Variants in NOS1AP observed in about 807,000 individuals in gnomAD.
NOS1AP encodes carboxyl-terminal PDZ ligand of neuronal nitric oxide synthase protein.
NOS1AP carries 21 observed loss-of-function variants against 56.2 expected under a neutral mutation model. The ratio of observed to expected loss-of-function variants is 0.37; its 90% CI spans 0.26 to 0.54. The LOEUF (loss-of-function observed/expected upper bound fraction) is 0.54, where lower values mean the gene tolerates loss of function less well. Ranked by LOEUF, NOS1AP falls within the 20% of genes least tolerant of loss-of-function variation. NOS1AP has a pLI of 0.84. For missense variants in NOS1AP, 522 were observed against 657.8 expected (o/e 0.79, Z 2.26); for synonymous variants, 270 against 274.6 (o/e 0.98, Z 0.17).
In NOS1AP at chr1:162,081,753, T is replaced by TAG. The variant is rs1404311029; in HGVS notation, c.105+11473_105+11474dup. 2.7e-4 allele frequency among the ~76,000 whole-genome samples: 15 copies of TAG among 55,166 alleles called. No individual in the cohort carries two copies. The South Asian group carries it at 3.3e-3, about 12-fold the overall frequency. 36.2% of individuals were successfully genotyped at this position (55,166 alleles called of 152,430 possible). A position where few individuals can be genotyped will look rare whatever the true frequency, so the allele number is the denominator to read the frequency against. ...ATCTATATATCTATATCTATATCTA[T>TAG]AGATATATATATATATATATATTTT... is the stretch of plus-strand genomic sequence containing the variant. On this transcript the variant is annotated intron_variant, in intron 1 of 9. Coordinates refer to ENST00000361897, the MANE Select transcript of NOS1AP (RefSeq NM_014697.3).
intron 1 of NOS1AP, among the ~76,000 whole-genome samples, chr1:162,136,193 G>T (rs1236264594): frequency 6.6e-6 from 1 of 152,196 alleles, no homozygotes; most frequent in Non-Finnish European, 1.5e-5. Flanking sequence ...GCTGTGTCTT[G>T]AAGTGGGGTA....
chr1:162,366,114 G>C (rs1658077031), intron 9 of NOS1AP, among the ~76,000 whole-genome samples: 1 of 152,140 alleles, frequency 6.6e-6, no homozygotes, highest in Non-Finnish European at 1.5e-5. Context: ...AGGTTGCCTG[G>C]CCCCTGCTTG....
chr1:162,159,159 A>G (rs1416821614), intron 2 of NOS1AP, among the ~76,000 whole-genome samples: 1 of 152,160 alleles, frequency 6.6e-6, no homozygotes, highest in African/African-American at 2.4e-5. Context: ...TTGCATTAGT[A>G]AATATGAACA....
At chr1:162,203,264 C>A (rs1652053252) in intron 2 of NOS1AP, among the ~76,000 whole-genome samples, 1 of 152,196 alleles carries the variant, frequency 6.6e-6, no homozygotes, top group Non-Finnish European at 1.5e-5. Context: ...CTATGCTTGT[C>A]CGTCTGTCTG....
At chr1:162,258,186 C>T (rs1487083487) in intron 2 of NOS1AP, among the ~76,000 whole-genome samples, 1 of 152,116 alleles carries the variant, frequency 6.6e-6, no homozygotes, top group Non-Finnish European at 1.5e-5. Flanking sequence ...CTGGCAAACC[C>T]TAGTCACCCT....
At chr1:162,070,747 A>AT (rs1203433656) in intron 1 of NOS1AP, among the ~76,000 whole-genome samples, 2,386 of 147,480 alleles carry the variant, frequency 0.016, 56 homozygotes, top group African/African-American at 0.053. Context: ...AAGAATCCAG[A>AT]TTTTTTTTTT....
intron 2 of NOS1AP, among the ~76,000 whole-genome samples, chr1:162,216,720 A>G (rs942197384): frequency 6.6e-6 from 1 of 152,218 alleles, no homozygotes. Context: ...AGAAGTATAA[A>G]CATTGTGATA....
At chr1:162,180,994 G>T (rs1345470470) in intron 2 of NOS1AP, among the ~76,000 whole-genome samples, 1 of 152,188 alleles carries the variant, frequency 6.6e-6, no homozygotes, top group Non-Finnish European at 1.5e-5. Flanking sequence ...TATCCTCAAG[G>T]TCTATCAGCC....
intron 1 of NOS1AP, among the ~76,000 whole-genome samples, chr1:162,150,593 G>T (rs1649665843): frequency 6.6e-6 from 1 of 152,110 alleles, no homozygotes; most frequent in African/African-American, 2.4e-5. Flanking sequence ...GTATACGAGG[G>T]TTCTTTTTTC....
chr1:162,338,234 A>G (rs1406790849), intron 5 of NOS1AP, among the ~76,000 whole-genome samples: 1 of 152,148 alleles, frequency 6.6e-6, no homozygotes, highest in Non-Finnish European at 1.5e-5. Context: ...TGAGTACCCA[A>G]AAGAGATGGG....
intron 1 of NOS1AP, among the ~76,000 whole-genome samples, chr1:162,116,519 C>T (rs945494659): frequency 1.3e-5 from 2 of 152,188 alleles, no homozygotes; most frequent in Non-Finnish European, 2.9e-5. Context: ...CCCATATTTA[C>T]TCCTAACTAT....
chr1:162,182,460 G>A (rs1265577633), intron 2 of NOS1AP, among the ~76,000 whole-genome samples: 1 of 152,202 alleles, frequency 6.6e-6, no homozygotes, highest in African/African-American at 2.4e-5. Flanking sequence ...TGAAGGTAGA[G>A]GTGGCTGTGT....
chr1:162,289,172 CAT>C (rs1655184224), intron 3 of NOS1AP, among the ~76,000 whole-genome samples: 2 of 151,074 alleles, frequency 1.3e-5, no homozygotes, highest in Non-Finnish European at 2.9e-5. Flanking sequence ...TTCTGACTGA[CAT>C]ATCTTTGTTT....
rs1474818396 is a variant in NOS1AP at position 162,343,694 on chromosome 1, A to G, written c.454-141A>G. The G allele has an allele frequency of 3.3e-6, 3 of 901,466 alleles. No individual in the cohort carries two copies. In the African/African-American group the frequency reaches 4.9e-5, roughly 15 times the overall value. 55.8% of individuals were successfully genotyped at this position (901,466 alleles called of 1,614,324 possible). A position where few individuals can be genotyped will look rare whatever the true frequency, so the allele number is the denominator to read the frequency against. On this transcript the variant is annotated intron_variant, in intron 5 of 9. Coordinates refer to ENST00000361897, the MANE Select transcript of NOS1AP (RefSeq NM_014697.3). ...TTCTGGAGTATTTCAGAAAGGGGAA[A>G]TGTCTTTGCACTCATTTGTATGTGC...
Position 162,343,965 on chromosome 1 carries a change from C to A in NOS1AP, c.584C>A (p.Ser195Ter). The A allele has an allele frequency of 6.2e-7, 1 of 1,614,112 alleles. No individual in the cohort carries two copies. Among genetic ancestry groups the A allele is most frequent in the South Asian group, 1.1e-5 (1 of 91,066 alleles). The change falls in exon 6 of 10, where the codon TCA becomes TAA. Residue 195 changes from serine to a stop codon, truncating the protein, a stop_gained. Coordinates refer to ENST00000361897, the MANE Select transcript of NOS1AP (RefSeq NM_014697.3). LOFTEE classifies it high-confidence loss of function. ...DGESERNSNS[S>*]GDPGRQLTGA... The stretch of plus-strand genomic sequence containing the variant: ...GAGAGCGAGAGGAACAGCAACAGCT[C>A]AGGAGACCCAGGTAGGCACTGCGGC...
intron 2 of NOS1AP, among the ~76,000 whole-genome samples, chr1:162,216,470 G>T (rs191134509): frequency 6.6e-6 from 1 of 152,230 alleles, no homozygotes; most frequent in Non-Finnish European, 1.5e-5. Flanking sequence ...TTCTAGAGCG[G>T]GCTTTACATC....
intron 1 of NOS1AP, among the ~76,000 whole-genome samples, chr1:162,106,763 C>T (rs945706): frequency 1.3e-5 from 2 of 151,948 alleles, no homozygotes; most frequent in African/African-American, 2.4e-5. Context: ...AGGGGGAAAT[C>T]GATACGTACA....
chr1:162,315,827 A>T (rs769045175), intron 4 of NOS1AP, among the ~76,000 whole-genome samples: 1 of 152,164 alleles, frequency 6.6e-6, no homozygotes, highest in Non-Finnish European at 1.5e-5. Context: ...TCCTGATTTC[A>T]TCCCTACCCC....
chr1:162,141,346 T>A (rs1000964797), intron 1 of NOS1AP, among the ~76,000 whole-genome samples: 2 of 152,198 alleles, frequency 1.3e-5, no homozygotes, highest in African/African-American at 4.8e-5. Context: ...TAATATATAT[T>A]TTTATTTTTA....
Sources: gnomAD v4.1 joint callset for allele counts (sites outside exome capture counted in the v4.1 genomes callset) on GRCh38, gnomAD v4.1.1 for gene constraint, MANE v1.5 for transcripts, NCBI Gene and HGNC (gene_info 2026-07-23, HGNC 2026-07-21) for gene names.